Variants in PAIP1 observed in about 807,000 individuals in gnomAD.
The protein encoded by PAIP1 is polyadenylate-binding protein-interacting protein 1.
PAIP1 carries 16 observed loss-of-function variants against 61.3 expected under a neutral mutation model. The ratio of observed to expected loss-of-function variants is 0.26; its 90% confidence interval spans 0.18 to 0.40. The LOEUF is 0.40. Among genes scored for constraint, PAIP1 ranks in the 10% least tolerant of loss-of-function variants. The pLI is 1.00. For missense variants in PAIP1, 416 were observed against 600.9 expected (o/e 0.69, Z 3.22); for synonymous variants, 187 against 226.2 (o/e 0.83, Z 1.56).
intron 6 of PAIP1, 65 bp downstream of exon 6, chr5:43,536,754 A>T: frequency 1.2e-6 from 1 of 845,330 alleles, no homozygotes; most frequent in Non-Finnish European, 1.9e-6. Context: ...TATACTATAT[A>T]GACTAACCTT....
At chr5:43,535,443 CCTG>C (rs1189512917) in intron 7 of PAIP1, 88 bp downstream of exon 7, 2 of 730,550 alleles carry the variant, frequency 2.7e-6, no homozygotes, top group Non-Finnish European at 4.8e-6. Flanking sequence ...ATCAACTTAC[CCTG>C]CTGAAGTATA....
At chr5:43,546,459 A>G (rs1747638284) in intron 3 of PAIP1, among the ~76,000 whole-genome samples, 1 of 152,240 alleles carries the variant, frequency 6.6e-6, no homozygotes, top group Non-Finnish European at 1.5e-5. Flanking sequence ...CTAACATCTC[A>G]GGTACTTCCT....
At position 43,527,265 on chromosome 5, in the gene PAIP1, TAACTC is replaced by T. The variant is rs201948310; in HGVS notation, c.*106_*110del. 3.8e-3 allele frequency: 2,367 copies of T among 617,290 alleles called. 44 individuals are homozygous for T. In the African/African-American group the frequency reaches 0.043, roughly 11 times the overall value. The allele number at this position is 617,290 out of a possible 1,614,324, so 38.2% of individuals were successfully genotyped here. On this transcript the variant is annotated 3_prime_UTR_variant, in exon 11 of 11. Coordinates refer to ENST00000306846, the MANE Select transcript of PAIP1 (RefSeq NM_006451.5). The stretch of plus-strand genomic sequence containing the variant: ...ATTAAAGTTGCATACATTAGTAACA[TAACTC>T]AACATCCTTAATTTGGTATAGATGT...
chr5:43,534,892 A>G lies in PAIP1; in HGVS notation c.1158T>C (p.Tyr386=), dbSNP rs571425260. The change falls in exon 8 of 11, where the codon TAT becomes TAC. Residue 386 remains tyrosine (Y), a synonymous_variant. Transcript: ENST00000306846. ...GATCATTTTCTGGTGTTGCTTCTCT[A>G]TATGTTGAAGTTGCATGGACTCTGC... The part of the protein sequence containing the change: ...NWGRVHATST[Y]REATPENDPN... 27 of 1,601,450 alleles carry G rather than the reference A, an allele frequency of 1.7e-5. No individual in the cohort carries two copies. The highest frequency in any genetic ancestry group is 6.7e-5 in the African/African-American group (5 of 74,818).
chr5:43,540,938 A>C (rs1189890609), intron 4 of PAIP1, among the ~76,000 whole-genome samples: 1 of 152,018 alleles, frequency 6.6e-6, no homozygotes, highest in Non-Finnish European at 1.5e-5. Context: ...CGGGGGTGAG[A>C]AGCACTGAAA....
chr5:43,533,712 G>A (rs1320120598), intron 9 of PAIP1, 26 bp downstream of exon 9: 1 of 1,442,964 alleles, frequency 6.9e-7, no homozygotes, highest in Non-Finnish European at 9.8e-7. Flanking sequence ...CAACTGGGAG[G>A]AGGGAATGAC....
intron 9 of PAIP1, among the ~76,000 whole-genome samples, chr5:43,530,306 C>T (rs1260793586): frequency 6.6e-6 from 1 of 152,208 alleles, no homozygotes; most frequent in Non-Finnish European, 1.5e-5. Context: ...CCTTCCCTTT[C>T]TTCCCAGAGA....
At chr5:43,530,884 ACAGAAAGC>A (rs893669654) in intron 9 of PAIP1, among the ~76,000 whole-genome samples, 2 of 152,152 alleles carry the variant, frequency 1.3e-5, no homozygotes, top group African/African-American at 2.4e-5. Flanking sequence ...TTTAAAACCC[ACAGAAAGC>A]CAGAAAGCAA....
At chr5:43,542,176 G>A (rs1284940142) in intron 4 of PAIP1, among the ~76,000 whole-genome samples, 3 of 140,758 alleles carry the variant, frequency 2.1e-5, no homozygotes, top group African/African-American at 5.3e-5. Flanking sequence ...ACTCGGTCTC[G>A]GAAAAAAAAA....
intron 8 of PAIP1, 82 bp downstream of exon 8, chr5:43,534,771 A>C: frequency 2.6e-6 from 2 of 778,676 alleles, no homozygotes; most frequent in Non-Finnish European, 2.3e-6. Context: ...CTGAATTCTG[A>C]GAACAGCTTT....
intron 9 of PAIP1, 117 bp from the exon 10 acceptor site, chr5:43,529,996 TTAAAG>T (rs376136311): frequency 2.4e-5 from 15 of 633,348 alleles, no homozygotes; most frequent in Middle Eastern, 2.5e-4. Flanking sequence ...CTCAGAAATC[TTAAAG>T]TAATTACATA....
At chr5:43,556,513 C>T in intron 1 of PAIP1, 69 bp downstream of exon 1, 1 of 1,224,716 alleles carries the variant, frequency 8.2e-7, no homozygotes. Flanking sequence ...CGTCGGGCCT[C>T]GGCACGCGTG....
intron 3 of PAIP1, among the ~76,000 whole-genome samples, chr5:43,547,042 C>CCAAAAAAAAAAA (rs1747664472): frequency 2.8e-5 from 1 of 35,664 alleles, no homozygotes; most frequent in Admixed American, 3.2e-4. Flanking sequence ...GACTCCATAT[C>CCAAAAAAAAAAA]AAAAAAAAAA....
At chr5:43,547,571 G>C (rs1747690753) in intron 3 of PAIP1, among the ~76,000 whole-genome samples, 157 bp downstream of exon 3, 1 of 152,094 alleles carries the variant, frequency 6.6e-6, no homozygotes, top group Non-Finnish European at 1.5e-5. Context: ...CCTAACTATA[G>C]GAGTTTTATA....
chr5:43,539,089 CAAACA>C, intron 4 of PAIP1, 54 bp from the exon 5 acceptor site: 1 of 1,142,430 alleles, frequency 8.8e-7, no homozygotes, highest in Non-Finnish European at 1.3e-6. Context: ...TTTAAATAGT[CAAACA>C]AAATAACCAT....
At chr5:43,542,598 G>A (rs909481097) in intron 4 of PAIP1, among the ~76,000 whole-genome samples, 2 of 149,984 alleles carry the variant, frequency 1.3e-5, no homozygotes, top group Non-Finnish European at 3.0e-5. Context: ...AAAAGGAACA[G>A]AATAAGTGAT....
chr5:43,537,354 A>C (rs1747196506), intron 5 of PAIP1, among the ~76,000 whole-genome samples: 1 of 152,196 alleles, frequency 6.6e-6, no homozygotes, highest in South Asian at 2.1e-4. Context: ...GCAGGAACTA[A>C]GCCTTATCTT....
chr5:43,531,687 A>G (rs1442567452), intron 9 of PAIP1, among the ~76,000 whole-genome samples: 1 of 150,190 alleles, frequency 6.7e-6, no homozygotes, highest in Non-Finnish European at 1.5e-5. Context: ...AGAGAAAAAA[A>G]GAAAAGTGTG....
chr5:43,545,884 C>G (rs1747616815), intron 3 of PAIP1, among the ~76,000 whole-genome samples: 1 of 152,044 alleles, frequency 6.6e-6, no homozygotes, highest in Admixed American at 6.6e-5. Context: ...ATTCTCCTGC[C>G]TCAGCCTCCC....
Sources: allele counts gnomAD v4.1 joint callset (sites outside exome capture counted in the v4.1 genomes callset), GRCh38; gene constraint gnomAD v4.1.1; transcripts MANE v1.5; gene names NCBI Gene and HGNC (gene_info 2026-07-23, HGNC 2026-07-21).